CCDC62: variants seen among roughly 807,000 people sequenced by gnomAD.
CCDC62 encodes coiled-coil domain containing 62.
Under a neutral mutation model 80.8 loss-of-function variants are expected in CCDC62, and 72 were observed. That is an observed-to-expected ratio of 0.89 (90% confidence interval 0.74 to 1.08). CCDC62 has a LOEUF of 1.08. CCDC62 is among the 50% of genes least tolerant of loss of function. CCDC62 has a pLI of 0.00. For missense variants in CCDC62, 704 were observed against 809.4 expected (o/e 0.87, Z 1.58); for synonymous variants, 286 against 296.5 (o/e 0.96, Z 0.36).
chr12:122,798,328 C>T (rs1347662116), intron 8 of CCDC62, 128 bp downstream of exon 8: 3 of 605,298 alleles, frequency 5.0e-6, no homozygotes, highest in Non-Finnish European at 8.9e-6. Context: ...TGTGGCCGGG[C>T]ACGGTGCCTC....
At chr12:122,780,668 AT>A (rs1397243631) in intron 2 of CCDC62, among the ~76,000 whole-genome samples, 2 of 149,842 alleles carry the variant, frequency 1.3e-5, no homozygotes, top group South Asian at 2.1e-4. Flanking sequence ...ATAAAATAAA[AT>A]AAAAAATAGA....
At chr12:122,815,339 A>G (rs2032117659) in intron 11 of CCDC62, among the ~76,000 whole-genome samples, 1 of 152,114 alleles carries the variant, frequency 6.6e-6, no homozygotes. Flanking sequence ...TCAGCCTCCC[A>G]AAGTGCTGGG....
intron 9 of CCDC62, among the ~76,000 whole-genome samples, chr12:122,805,381 G>C (rs930439617): frequency 1.8e-4 from 20 of 109,712 alleles, no homozygotes; most frequent in South Asian, 2.8e-4. Context: ...GTGTCTCTCT[G>C]TCACCAGGCT....
At chr12:122,782,427 A>G (rs2029920661) in intron 3 of CCDC62, among the ~76,000 whole-genome samples, 3 of 152,158 alleles carry the variant, frequency 2.0e-5, no homozygotes, top group Admixed American at 6.6e-5. Flanking sequence ...GGTATAATCA[A>G]GTTTTGGTAG....
At chr12:122,810,683 G>T (rs1355292023) in intron 10 of CCDC62, among the ~76,000 whole-genome samples, 1 of 152,110 alleles carries the variant, frequency 6.6e-6, no homozygotes, top group East Asian at 1.9e-4. Flanking sequence ...TATACCCAAA[G>T]GATTATAAAT....
chr12:122,798,160 T>G lies in CCDC62; in HGVS notation c.937T>G (p.Tyr313Asp). 4 of 1,590,026 alleles carry G rather than the reference T, an allele frequency of 2.5e-6. No individual in the cohort carries two copies. The highest frequency in any genetic ancestry group is 3.5e-6 in the Non-Finnish European group (4 of 1,158,428). The stretch of plus-strand genomic sequence containing the variant: ...AAATTCTCAGGAATTAATACAGATG[T>G]ATGACTCAAAGATGGAGGAATCAAA... ...VENSQELIQM[Y>D]DSKMEESKAL... The change falls in exon 8 of 13, where the codon TAT becomes GAT. Residue 313 changes from tyrosine (Y) to aspartate (D), a missense_variant. Physicochemically the swap from Tyr to Asp is radical, Grantham distance 160. Coordinates refer to ENST00000253079, the MANE Select transcript of CCDC62 (RefSeq NM_201435.5).
chr12:122,822,850 A>G (rs912293039), intron 11 of CCDC62, among the ~76,000 whole-genome samples: 1 of 152,194 alleles, frequency 6.6e-6, no homozygotes, highest in African/African-American at 2.4e-5. Flanking sequence ...GTGCGTATAT[A>G]CTACGTTTTC....
rs2030157675 is a variant in CCDC62 at position 122,785,497 on chromosome 12, A to AAT, written c.397-215_397-214dup. Among the ~76,000 whole-genome samples, 3 of 152,194 alleles carry AAT rather than the reference A, an allele frequency of 2.0e-5. No homozygotes were observed. In the South Asian group the frequency reaches 6.2e-4, roughly 31 times the overall value. On this transcript the variant is annotated intron_variant, in intron 3 of 12. Transcript: ENST00000253079. ...GAGAGGATGGTAGAATTAATAGAGA[A>AAT]ATATATATTTGTATTCCTTTTTGAT...
chr12:122,808,071 C>A (rs1380060974), intron 10 of CCDC62, among the ~76,000 whole-genome samples: 2 of 152,042 alleles, frequency 1.3e-5, no homozygotes, highest in African/African-American at 2.4e-5. Context: ...CCGAGGCAGG[C>A]GGATCACTTG....
chr12:122,777,760 G>A (rs986019968), intron 2 of CCDC62, 77 bp downstream of exon 2: 31 of 1,400,836 alleles, frequency 2.2e-5, no homozygotes, highest in Non-Finnish European at 2.8e-5. Flanking sequence ...GGAAGATAGA[G>A]AGGAAGTAAA....
At chr12:122,804,628 A>AAAAT (rs1296952467) in intron 9 of CCDC62, among the ~76,000 whole-genome samples, 2 of 152,190 alleles carry the variant, frequency 1.3e-5, no homozygotes, top group African/African-American at 2.4e-5. Flanking sequence ...AATAATAACA[A>AAAAT]AAATAAATAA....
intron 6 of CCDC62, among the ~76,000 whole-genome samples, chr12:122,793,593 G>A (rs890585978): frequency 1.2e-4 from 19 of 152,006 alleles, no homozygotes; most frequent in African/African-American, 4.1e-4. Flanking sequence ...GAATCCTCCC[G>A]CCTTGGCCTT....
intron 5 of CCDC62, among the ~76,000 whole-genome samples, chr12:122,789,438 G>A (rs771962223): frequency 1.1e-4 from 17 of 152,134 alleles, no homozygotes; most frequent in African/African-American, 3.4e-4. Context: ...TATTTTTGCC[G>A]ATTTATTTAT....
chr12:122,795,531 C>G (rs2030888329), intron 6 of CCDC62, among the ~76,000 whole-genome samples: 1 of 152,038 alleles, frequency 6.6e-6, no homozygotes, highest in South Asian at 2.1e-4. Context: ...TCATGCCATT[C>G]TCCTGCCTCA....
At chr12:122,805,509 CTTTTTTTTTT>C (rs34211739) in intron 9 of CCDC62, among the ~76,000 whole-genome samples, 2 of 49,508 alleles carry the variant, frequency 4.0e-5, no homozygotes, top group Admixed American at 3.5e-4. Flanking sequence ...ACACCCAGCT[CTTTTTTTTTT>C]TTTTTTTTTT....
chr12:122,794,269 A>G (rs2030804142), intron 6 of CCDC62, among the ~76,000 whole-genome samples: 1 of 152,162 alleles, frequency 6.6e-6, no homozygotes, highest in Non-Finnish European at 1.5e-5. Context: ...ATCGCAGCTC[A>G]CTGCAGCCTC....
chr12:122,788,404 T>C (rs2030398620), intron 4 of CCDC62, among the ~76,000 whole-genome samples: 4 of 152,178 alleles, frequency 2.6e-5, no homozygotes, highest in Admixed American at 2.6e-4. Context: ...CTCTTGCTGC[T>C]ATTATAGTTT....
rs776142925 is a variant in CCDC62 at position 122,801,884 on chromosome 12, G to A, written c.1706+32G>A. On this transcript the variant is annotated intron_variant, in intron 9 of 12. Transcript: ENST00000253079. ...AACGTTCACATCTGTAAACACCCAC[G>A]GAGCATGCATGCCAGTATTTGGAAA... is the stretch of plus-strand genomic sequence containing the variant. 1.2e-5 allele frequency: 19 copies of A among 1,593,406 alleles called. No homozygotes were observed. In the South Asian group the frequency reaches 1.5e-4, roughly 12 times the overall value.
chr12:122,811,821 C>CAAAAAAAAA (rs67025764), intron 10 of CCDC62, among the ~76,000 whole-genome samples: 5 of 34,642 alleles, frequency 1.4e-4, no homozygotes, highest in African/African-American at 2.0e-4. Context: ...ACTCCATCTG[C>CAAAAAAAAA]AAAAAAAAAA....
Sources: gnomAD v4.1 joint callset for allele counts (sites outside exome capture counted in the v4.1 genomes callset) on GRCh38, gnomAD v4.1.1 for gene constraint, MANE v1.5 for transcripts, NCBI Gene and HGNC (gene_info 2026-07-23, HGNC 2026-07-21) for gene names.